Variants in UGT8 observed in about 807,000 individuals in gnomAD.
The protein encoded by UGT8 is UDP glycosyltransferase 8.
In UGT8, 12 loss-of-function variants were observed where a neutral mutation model predicts 40.5. The observed-to-expected ratio is 0.30, with a 90% CI of 0.19 to 0.48. The LOEUF is 0.48. Among genes scored for constraint, UGT8 ranks in the 20% least tolerant of loss-of-function variants. UGT8 has a pLI of 0.99. For synonymous variants in UGT8, 224 were observed against 240.4 expected (o/e 0.93, Z 0.63); for missense variants, 513 against 648.7 (o/e 0.79, Z 2.27).
Position 114,676,614 on chromosome 4 carries a change from A to G in UGT8, c.*326A>G, listed in dbSNP as rs977160187. On this transcript the variant is annotated 3_prime_UTR_variant, in exon 6 of 6. Transcript: ENST00000310836. The stretch of plus-strand genomic sequence containing the variant: ...CGTGTCCCGGATCAGGAATGGTTTC[A>G]TTTTTCTTAATAATGTGTGTGTGTG... 4.6e-6 allele frequency: 1 copy of G among 218,008 alleles called. No homozygotes were observed. The allele number at this position is 218,008 out of a possible 1,614,324, so 13.5% of individuals were successfully genotyped here.
At chr4:114,661,829 A>C (rs1018661490) in intron 2 of UGT8, among the ~76,000 whole-genome samples, 1 of 152,202 alleles carries the variant, frequency 6.6e-6, no homozygotes, top group Admixed American at 6.5e-5. Flanking sequence ...CCTGAAGGAA[A>C]CATGATGAAT....
chr4:114,649,363 T>G (rs577958866), intron 2 of UGT8, among the ~76,000 whole-genome samples: 1 of 152,358 alleles, frequency 6.6e-6, no homozygotes, highest in East Asian at 1.9e-4. Flanking sequence ...CTGTTTTGTA[T>G]TCTTCTTTGT....
intron 5 of UGT8, among the ~76,000 whole-genome samples, chr4:114,669,719 A>G (rs1313626970): frequency 6.6e-6 from 1 of 152,234 alleles, no homozygotes; most frequent in African/African-American, 2.4e-5. Context: ...GCTTAATTTA[A>G]GGATTATTCA....
chr4:114,646,433 CAA>C (rs1447935109), intron 2 of UGT8, among the ~76,000 whole-genome samples: 1 of 151,692 alleles, frequency 6.6e-6, no homozygotes, highest in Non-Finnish European at 1.5e-5. Flanking sequence ...GTCATAGAAA[CAA>C]TGTGATAAAC....
intron 5 of UGT8, among the ~76,000 whole-genome samples, chr4:114,672,443 A>G (rs1294966881): frequency 6.6e-6 from 1 of 152,250 alleles, no homozygotes; most frequent in African/African-American, 2.4e-5. Context: ...GATAGACTGG[A>G]TAAATAAAAT....
intron 1 of UGT8, among the ~76,000 whole-genome samples, chr4:114,610,402 A>G (rs533424844): frequency 6.6e-6 from 1 of 152,322 alleles, no homozygotes; most frequent in East Asian, 1.9e-4. Flanking sequence ...ATGTTTAAAT[A>G]TATTTATCTT....
intron 1 of UGT8, among the ~76,000 whole-genome samples, chr4:114,611,894 G>T (rs1052880833): frequency 2.6e-5 from 4 of 151,932 alleles, no homozygotes; most frequent in Non-Finnish European, 4.4e-5. Flanking sequence ...AAATTCTTGG[G>T]CTCATCCCAG....
chr4:114,677,937 A>G lies in UGT8; in HGVS notation c.*1649A>G, dbSNP rs1408454983. The G allele has an allele frequency of 6.6e-6, 1 of 152,212 alleles. No homozygotes were observed. Among genetic ancestry groups the G allele is most frequent in the Non-Finnish European group, 1.5e-5 (1 of 68,042 alleles). 9.4% of individuals were successfully genotyped at this position (152,212 alleles called of 1,614,324 possible). ...GTCACAAGTAGTTTTCTAATGTACAATGCAGACAAATGTACTGCTCTCTGA... is the reference window on the plus strand; with the variant it reads ...GTCACAAGTAGTTTTCTAATGTACAGTGCAGACAAATGTACTGCTCTCTGA... On this transcript the variant is annotated 3_prime_UTR_variant, in exon 6 of 6. Transcript: ENST00000310836.
intron 2 of UGT8, among the ~76,000 whole-genome samples, chr4:114,662,412 C>CTGAAGG (rs1734597776): frequency 6.6e-6 from 1 of 152,186 alleles, no homozygotes; most frequent in African/African-American, 2.4e-5. Context: ...ATTTGAAGTA[C>CTGAAGG]AGTCTCTACT....
At chr4:114,674,259 T>A (rs1735479111) in intron 5 of UGT8, among the ~76,000 whole-genome samples, 1 of 152,176 alleles carries the variant, frequency 6.6e-6, no homozygotes, top group African/African-American at 2.4e-5. Flanking sequence ...TCCAGCAGCA[T>A]GTCCCGTGTT....
chr4:114,626,402 C>T (rs890008235), intron 2 of UGT8, among the ~76,000 whole-genome samples: 7 of 152,170 alleles, frequency 4.6e-5, no homozygotes, highest in African/African-American at 1.2e-4. Flanking sequence ...TGGTATCTTA[C>T]ACTGGGCATA....
chr4:114,621,459 A>G (rs1731785584), intron 1 of UGT8, among the ~76,000 whole-genome samples: 1 of 152,242 alleles, frequency 6.6e-6, no homozygotes, highest in African/African-American at 2.4e-5. Context: ...TCCTCTGGAA[A>G]AAAGTCTTTT....
chr4:114,599,184 G>T (rs946480744), intron 1 of UGT8, among the ~76,000 whole-genome samples: 2 of 152,118 alleles, frequency 1.3e-5, no homozygotes, highest in Non-Finnish European at 2.9e-5. Context: ...AAAGGCTAGG[G>T]GTTGAGGGGG....
chr4:114,598,762 C>A (rs1730248552), upstream of UGT8: 1 of 152,036 alleles, frequency 6.6e-6, no homozygotes, highest in African/African-American at 2.4e-5. Context: ...GCGCTGAGGA[C>A]CCGAGGGAGG....
rs181477143 is a variant in UGT8, at chr4:114,634,539, G to A, written c.822+10837G>A. Among the ~76,000 whole-genome samples the A allele has an allele frequency of 1.1e-3, 169 of 152,286 alleles. 1 individual carries two copies. Among genetic ancestry groups the A allele is most frequent in the African/African-American group, 3.1e-3 (130 of 41,552 alleles). On this transcript the variant is annotated intron_variant, in intron 2 of 5. Coordinates refer to ENST00000310836, the MANE Select transcript of UGT8 (RefSeq NM_001128174.3). ...GATATCATAGGTCCATCCTTTATTG[G>A]TGTTGGTGAATTGGATGTTTCCATG...
At chr4:114,626,377 A>C (rs902716068) in intron 2 of UGT8, among the ~76,000 whole-genome samples, 6 of 152,194 alleles carry the variant, frequency 3.9e-5, no homozygotes, top group African/African-American at 1.2e-4. Flanking sequence ...ATAGCAGCTT[A>C]ATTGTTAATT....
intron 2 of UGT8, among the ~76,000 whole-genome samples, chr4:114,646,709 G>A (rs528518707): frequency 1.3e-5 from 2 of 152,304 alleles, no homozygotes; most frequent in Non-Finnish European, 2.9e-5. Flanking sequence ...AAATTGGCAA[G>A]TCTCTTGAAA....
intron 2 of UGT8, among the ~76,000 whole-genome samples, chr4:114,631,550 T>C (rs1337697124): frequency 6.6e-6 from 1 of 152,198 alleles, no homozygotes; most frequent in African/African-American, 2.4e-5. Context: ...CCTTCAGTAT[T>C]GTATTCTCTT....
At position 114,622,961 on chromosome 4, in the gene UGT8, G is replaced by A. The variant is rs765859819; in HGVS notation, c.81G>A (p.Pro27=). Residue 27 remains proline, a synonymous_variant, in exon 2 of 6, where the codon CCG becomes CCA. Transcript: ENST00000310836. ...AGGCTGCCAAAATCATCATCGTGCC[G>A]CCAATTATGTTTGAAAGCCATATGT... ...IAKAAKIIIV[P]PIMFESHMYI... 2.0e-5 allele frequency: 32 copies of A among 1,614,010 alleles called. No homozygotes were observed. Among genetic ancestry groups the A allele is most frequent in the East Asian group, 6.7e-5 (3 of 44,874 alleles).
Sources: allele counts gnomAD v4.1 joint callset (sites outside exome capture counted in the v4.1 genomes callset), GRCh38; gene constraint gnomAD v4.1.1; transcripts MANE v1.5; gene names NCBI Gene and HGNC (gene_info 2026-07-23, HGNC 2026-07-21).